Variants in AHNAK observed in about 807,000 individuals in gnomAD.
AHNAK encodes the protein AHNAK nucleoprotein.
AHNAK carries 23 observed loss-of-function variants against 37.8 expected under a neutral mutation model. That is an observed-to-expected ratio of 0.61 (90% CI 0.44 to 0.86). The LOEUF is 0.86. Among genes scored for constraint, AHNAK ranks in the 40% least tolerant of loss-of-function variants. The pLI is 0.00. For synonymous variants in AHNAK, 2,481 were observed against 2,636.3 expected, an observed-to-expected ratio of 0.94 and a Z score of 1.80; for missense variants, 7,411 against 7,319.4, an observed-to-expected ratio of 1.01 and a Z score of -0.46.
chr11:62,477,801 CAA>C (rs60862441), intron 5 of AHNAK, among the ~76,000 whole-genome samples: 7 of 134,176 alleles, frequency 5.2e-5, no homozygotes, highest in African/African-American at 8.2e-5. Context: ...AACTCCATCT[CAA>C]AAAAAAAAAA....
Position 62,529,128 on chromosome 11 carries a change from C to G in AHNAK, c.5289G>C (p.Lys1763Asn), listed in dbSNP as rs1274179604. 2 of 1,614,116 alleles carry G rather than the reference C, an allele frequency of 1.2e-6. No homozygotes were observed. The highest frequency in any genetic ancestry group is 1.1e-5 in the South Asian group (1 of 91,088). ...PDLDIEGPEGKLKGSKFKMPK... is the reference protein window; with the variant it reads ...PDLDIEGPEGNLKGSKFKMPK... ...GCATCTTAAATTTGGAGCCTTTCAACTTTCCTTCTGGTCCCTCAATATCCA... is the reference window on the plus strand; with the variant it reads ...GCATCTTAAATTTGGAGCCTTTCAAGTTTCCTTCTGGTCCCTCAATATCCA... The change falls in exon 5 of 5, where the codon AAG (lysine) becomes AAC (asparagine). Residue 1763 changes from lysine to asparagine, a missense_variant. Lys to Asn is a moderately conservative substitution (Grantham distance 94). Coordinates refer to ENST00000378024, the MANE Select transcript of AHNAK (RefSeq NM_001620.3).
rs1940463387 is a variant in AHNAK, at chr11:62,525,860, C to T, written c.8557G>A (p.Val2853Met). Residue 2853 changes from valine to methionine, a missense_variant, in exon 5 of 5, where the codon GTG (valine) becomes ATG (methionine). Coordinates refer to ENST00000378024, the MANE Select transcript of AHNAK (RefSeq NM_001620.3). ...NLTGPKIKGD[V>M]DVTGPKVEGD... is the part of the protein sequence containing the mutation. ...TCTACCTTAGGGCCTGTAACATCCACATCTCCTTTTATTTTTGGACCTGTG... is the reference window on the plus strand; with the variant it reads ...TCTACCTTAGGGCCTGTAACATCCATATCTCCTTTTATTTTTGGACCTGTG... The T allele has an allele frequency of 4.3e-6, 7 of 1,614,192 alleles. No homozygotes were observed. The highest frequency in any genetic ancestry group is 5.9e-6 in the Non-Finnish European group (7 of 1,180,038).
At chr11:62,485,517 A>T (rs1179759067) in intron 5 of AHNAK, among the ~76,000 whole-genome samples, 1 of 151,930 alleles carries the variant, frequency 6.6e-6, no homozygotes, top group Non-Finnish European at 1.5e-5. Flanking sequence ...CCTGGCTAAC[A>T]CGGTGAAACC....
In AHNAK at chr11:62,519,633, T is replaced by C. The variant is rs1266249506; in HGVS notation, c.14784A>G (p.Pro4928=). 1 of 1,613,796 alleles carries C rather than the reference T, an allele frequency of 6.2e-7. No individual in the cohort carries two copies. Among genetic ancestry groups the C allele is most frequent in the Admixed American group, 1.7e-5 (1 of 59,916 alleles). The change falls in exon 5 of 5, where the codon CCA becomes CCG. Residue 4928 remains proline (P), a synonymous_variant. Transcript: ENST00000378024. ...APDVDLHLKA[P]KIGFSGPKLE... ...ACTTCGGACCTGAAAATCCAATTTTTGGTGCCTTGAGATGCAAATCAACAT... is the reference window on the plus strand; with the variant it reads ...ACTTCGGACCTGAAAATCCAATTTTCGGTGCCTTGAGATGCAAATCAACAT...
rs150917737 is a variant in AHNAK, at chr11:62,533,119, T to C, written c.1298A>G (p.Lys433Arg). ...QGPGSKLNVPKMKVPKFSVSG... is the reference protein window; with the variant it reads ...QGPGSKLNVPRMKVPKFSVSG... Reference sequence around the variant, plus strand: ...TACAGAGAACTTGGGGACTTTCATCTTGGGCACATTCAGTTTGCTCCCAGG... The same window carrying C: ...TACAGAGAACTTGGGGACTTTCATCCTGGGCACATTCAGTTTGCTCCCAGG... Residue 433 changes from lysine to arginine, a missense_variant, in exon 5 of 5, where the codon AAG becomes AGG. Physicochemically the swap from Lys to Arg is conservative, Grantham distance 26. Transcript: ENST00000378024. 961 of 1,573,466 alleles carry C rather than the reference T, an allele frequency of 6.1e-4. 1 individual carries two copies. The highest frequency in any genetic ancestry group is 7.0e-4 in the Non-Finnish European group (814 of 1,163,776).
At chr11:62,461,253 C>A (rs1418838088) in intron 5 of AHNAK, among the ~76,000 whole-genome samples, 1 of 143,174 alleles carries the variant, frequency 7.0e-6, no homozygotes, top group Admixed American at 7.4e-5. Context: ...TCAAGTGATT[C>A]TCCTGCCCCA....
intron 1 of AHNAK, chr11:62,545,436 C>T (rs763031580): frequency 2.6e-5 from 4 of 152,478 alleles, no homozygotes; most frequent in African/African-American, 7.2e-5. Context: ...GCTGCGCCCC[C>T]ACATCCCGGC....
In AHNAK at chr11:62,498,071, C is replaced by T. The variant is rs548783626; in HGVS notation, c.343-6240G>A. On this transcript the variant is annotated intron_variant, in intron 4 of 5. Coordinates refer to the AHNAK transcript ENST00000257247. Reference sequence around the variant, plus strand: ...GCACAATATTTCACAATGAAAAGAACGAGGTAGGTCTGTTTTCACCTACAT... The same window carrying T: ...GCACAATATTTCACAATGAAAAGAATGAGGTAGGTCTGTTTTCACCTACAT... Among the ~76,000 whole-genome samples, 43 of 152,028 alleles carry T rather than the reference C, an allele frequency of 2.8e-4. 1 individual carries two copies. In the South Asian group the frequency reaches 8.5e-3, roughly 30 times the overall value.
intron 5 of AHNAK, among the ~76,000 whole-genome samples, chr11:62,463,442 C>G (rs541205508): frequency 6.8e-6 from 1 of 147,402 alleles, no homozygotes; most frequent in Admixed American, 6.9e-5. Flanking sequence ...ATGACTGCTC[C>G]GCTCCTCTCC....
chr11:62,442,842 T>TGGGCAAGACA (rs1938337732), intron 5 of AHNAK, among the ~76,000 whole-genome samples: 1 of 151,212 alleles, frequency 6.6e-6, no homozygotes, highest in African/African-American at 2.4e-5. Context: ...CACTCCAGCC[T>TGGGCAAGACA]GGGCAAGACA....
rs777729027 is a variant in AHNAK at position 62,521,073 on chromosome 11, C to G, written c.13344G>C (p.Lys4448Asn). ...PEGKLKGPKFKMPEMNIKAPK... is the reference protein window; with the variant it reads ...PEGKLKGPKFNMPEMNIKAPK... ...GAGCTTTGATGTTCATCTCAGGCAT[C>G]TTAAATTTGGGCCCCTTCAATTTTC... The change falls in exon 5 of 5, where the codon AAG becomes AAC. Residue 4448 changes from lysine to asparagine, a missense_variant. Coordinates refer to ENST00000378024, the MANE Select transcript of AHNAK (RefSeq NM_001620.3). 12 of 1,613,834 alleles carry G rather than the reference C, an allele frequency of 7.4e-6. No individual in the cohort carries two copies. Among genetic ancestry groups the G allele is most frequent in the Non-Finnish European group, 9.3e-6 (11 of 1,179,964 alleles).
At chr11:62,471,955 T>G (rs920116178) in intron 5 of AHNAK, among the ~76,000 whole-genome samples, 3 of 152,122 alleles carry the variant, frequency 2.0e-5, no homozygotes, top group African/African-American at 7.2e-5. Flanking sequence ...GCCCAATCCC[T>G]GGGTGACTTA....
chr11:62,515,968 G>C lies in AHNAK; in HGVS notation c.*776C>G. The C allele has an allele frequency of 8.6e-7, 1 of 1,169,132 alleles. No homozygotes were observed. Among genetic ancestry groups the C allele is most frequent in the Non-Finnish European group, 1.1e-6 (1 of 930,600 alleles). 72.4% of individuals were successfully genotyped at this position (1,169,132 alleles called of 1,614,324 possible). ...ATTTTCTTACATTCTCAGTTAATTG[G>C]CCATTAAAGTGCTGGAAATTTTCTT... On this transcript the variant is annotated 3_prime_UTR_variant, in exon 5 of 5. Transcript: ENST00000378024.
chr11:62,542,750 A>G (rs1255420447), intron 1 of AHNAK, among the ~76,000 whole-genome samples: 1 of 152,212 alleles, frequency 6.6e-6, no homozygotes. Flanking sequence ...TGGACACAGA[A>G]GCAGGGAAGA....
At position 62,523,937 on chromosome 11, in the gene AHNAK, C is replaced by T; in HGVS notation, c.10480G>A (p.Val3494Ile). Residue 3494 changes from valine to isoleucine, a missense_variant, in exon 5 of 5, where the codon GTA becomes ATA. Transcript: ENST00000378024. ...VSGLKAEGPD[V>I]AVDLPKGDIN... ...TCTCCTTTTGGTAGATCCACAGCTA[C>T]ATCTGGCCCTTCTGCTTTTAAGCCA... 1.9e-6 allele frequency: 3 copies of T among 1,614,112 alleles called. No individual in the cohort carries two copies. The highest frequency in any genetic ancestry group is 2.5e-6 in the Non-Finnish European group (3 of 1,180,026).
Position 62,527,681 on chromosome 11 carries a change from T to C in AHNAK, c.6736A>G (p.Met2246Val), listed in dbSNP as rs1940549076. The change falls in exon 5 of 5, where the codon ATG (methionine) becomes GTG (valine). Residue 2246 changes from methionine (M) to valine (V), a missense_variant. Met to Val is a conservative substitution (Grantham distance 21). Transcript: ENST00000378024. ...GPDWHLKMPK[M>V]KMPKFSMPGF... ...GGCATGCTGAACTTGGGCATTTTCA[T>C]CTTAGGCATCTTCAGGTGCCAGTCT... is the stretch of plus-strand genomic sequence containing the variant. The C allele has an allele frequency of 6.2e-7, 1 of 1,613,972 alleles. No individual in the cohort carries two copies. Among genetic ancestry groups the C allele is most frequent in the Admixed American group, 1.7e-5 (1 of 60,004 alleles).
rs574263234 is a variant in AHNAK, at chr11:62,529,380, T to C, written c.5037A>G (p.Glu1679=). The part of the protein sequence containing the change: ...GDMDVSVPKV[E]GEMKVPDVDI... ...CAACATCTGGCACTTTCATTTCACCTTCTACCTTGGGCACAGACACATCCA... is the reference window on the plus strand; with the variant it reads ...CAACATCTGGCACTTTCATTTCACCCTCTACCTTGGGCACAGACACATCCA... The change falls in exon 5 of 5, where the codon GAA becomes GAG. Residue 1679 remains glutamate, a synonymous_variant. Transcript: ENST00000378024. 2.2e-5 allele frequency: 35 copies of C among 1,613,808 alleles called. No homozygotes were observed. The highest frequency in any genetic ancestry group is 2.7e-5 in the Non-Finnish European group (32 of 1,179,992).
At chr11:62,468,285 T>C (rs549767723) in intron 5 of AHNAK, among the ~76,000 whole-genome samples, 1 of 151,518 alleles carries the variant, frequency 6.6e-6, no homozygotes, top group South Asian at 2.1e-4. Flanking sequence ...GAGGTGGAGG[T>C]TGCAGTGAGC....
Position 62,527,243 on chromosome 11 carries a change from C to A in AHNAK, c.7174G>T (p.Asp2392Tyr). 3 of 1,596,122 alleles carry A rather than the reference C, an allele frequency of 1.9e-6. No homozygotes were observed. Among genetic ancestry groups the A allele is most frequent in the Non-Finnish European group, 2.6e-6 (3 of 1,172,122 alleles). Residue 2392 changes from aspartate (D) to tyrosine (Y), a missense_variant, in exon 5 of 5, where the codon GAT (aspartate) becomes TAT (tyrosine). Transcript: ENST00000378024. ...KAPKISMPDL[D>Y]LHLKSPKAKG... Reference sequence around the variant, plus strand: ...GCCTTGGGGCTCTTCAAGTGTAGATCGAGGTCTGGCATAGAGATTTTGGGA... The same window carrying A: ...GCCTTGGGGCTCTTCAAGTGTAGATAGAGGTCTGGCATAGAGATTTTGGGA...
Sources: allele counts gnomAD v4.1 joint callset (sites outside exome capture counted in the v4.1 genomes callset), GRCh38; gene constraint gnomAD v4.1.1; transcripts MANE v1.5; gene names NCBI Gene and HGNC (gene_info 2026-07-23, HGNC 2026-07-21).